The following DKK3 variants were observed in gnomAD, a reference collection of about 807,000 sequenced individuals.
DKK3 encodes dickkopf Wnt signaling pathway inhibitor 3, also known as dickkopf-related protein 3.
A neutral mutation model predicts 33.2 loss-of-function variants in DKK3; 22 were observed. The ratio of observed to expected loss-of-function variants is 0.66; its 90% confidence interval spans 0.47 to 0.95. The LOEUF (loss-of-function observed/expected upper bound fraction) is 0.95, where lower values mean the gene tolerates loss of function less well. DKK3 is among the 40% of genes least tolerant of loss of function. The pLI is 0.00. For missense variants in DKK3, 398 were observed against 458.4 expected (o/e 0.87, Z 1.20); for synonymous variants, 194 against 188.8 (o/e 1.03, Z -0.23).
chr11:11,992,371 G>T (rs1848205062), intron 3 of DKK3, among the ~76,000 whole-genome samples: 1 of 152,232 alleles, frequency 6.6e-6, no homozygotes, highest in South Asian at 2.1e-4. Flanking sequence ...AACTGGATCT[G>T]CCTGTGCCCG....
chr11:11,971,937 G>T (rs1284578286), intron 3 of DKK3, among the ~76,000 whole-genome samples: 1 of 152,140 alleles, frequency 6.6e-6, no homozygotes, highest in Non-Finnish European at 1.5e-5. Flanking sequence ...TGGTAGGTTA[G>T]TTCCACATGA....
chr11:11,965,145 G>A (rs1176801908), intron 6 of DKK3, among the ~76,000 whole-genome samples: 4 of 152,184 alleles, frequency 2.6e-5, no homozygotes, highest in Admixed American at 2.0e-4. Flanking sequence ...TGGTAGAGAC[G>A]GGATCTCCCT....
chr11:11,970,347 G>C (rs1564908219), intron 3 of DKK3, among the ~76,000 whole-genome samples: 1 of 152,334 alleles, frequency 6.6e-6, no homozygotes, highest in East Asian at 1.9e-4. Context: ...TAGAATAACA[G>C]AAATTTGCCT....
At chr11:12,009,465 G>T, upstream of DKK3, 5 of 881,410 alleles carry the variant, frequency 5.7e-6, no homozygotes, top group South Asian at 1.6e-4. Flanking sequence ...GCCACCTCAC[G>T]CCCCACGCCC....
chr11:12,003,724 T>C (rs1014772428), intron 1 of DKK3, among the ~76,000 whole-genome samples: 7 of 150,762 alleles, frequency 4.6e-5, no homozygotes, highest in African/African-American at 1.5e-4. Context: ...TTTTTGACTA[T>C]GGGCTATTTT....
At chr11:11,973,653 G>C (rs1281451546) in intron 3 of DKK3, among the ~76,000 whole-genome samples, 1 of 152,204 alleles carries the variant, frequency 6.6e-6, no homozygotes, top group African/African-American at 2.4e-5. Context: ...ACTATATTTA[G>C]AAAGCTCAGA....
intron 3 of DKK3, among the ~76,000 whole-genome samples, chr11:11,997,273 C>T (rs1296111017): frequency 1.3e-5 from 2 of 152,176 alleles, no homozygotes; most frequent in Admixed American, 1.3e-4. Flanking sequence ...AATTCACAAC[C>T]CTGTGAGTTC....
chr11:11,965,016 G>A lies in DKK3; in HGVS notation c.831-330C>T, dbSNP rs565542854. 1.1e-3 allele frequency among the ~76,000 whole-genome samples: 163 copies of A among 152,278 alleles called. 9 individuals are homozygous for A. In the South Asian group the frequency reaches 0.029, roughly 27 times the overall value. Reference sequence around the variant, plus strand: ...GCCCCTCAAAGACTGTGGCCCATTCGGGCCTCCAGGCAGGAGTCAGCCTGA... The same window carrying A: ...GCCCCTCAAAGACTGTGGCCCATTCAGGCCTCCAGGCAGGAGTCAGCCTGA... On this transcript the variant is annotated intron_variant, in intron 6 of 6. Coordinates refer to ENST00000683431, the MANE Select transcript of DKK3 (RefSeq NM_001018057.2).
At chr11:11,994,987 C>G (rs1848261286) in intron 3 of DKK3, among the ~76,000 whole-genome samples, 1 of 152,200 alleles carries the variant, frequency 6.6e-6, no homozygotes, top group African/African-American at 2.4e-5. Flanking sequence ...AAGCCACCAC[C>G]AGCACTGGAA....
chr11:12,008,417 C>T lies in DKK3; in HGVS notation c.166G>A (p.Glu56Lys). 6.2e-7 allele frequency: 1 copy of T among 1,611,004 alleles called. No homozygotes were observed. Among genetic ancestry groups the T allele is most frequent in the Admixed American group, 1.7e-5 (1 of 59,884 alleles). Residue 56 changes from glutamate to lysine, a missense_variant, in exon 1 of 7, where the codon GAA (glutamate) becomes AAA (lysine). Transcript: ENST00000683431. This position sits in a 1 kb window ranked among gnomAD's most constrained non-coding sequence, Gnocchi z 4.6. ...TTGTGCTGCGTGTCCTCCATCAGTT[C>T]CTCAACCTCGCGGAACATCTCATTG... ...TLNEMFREVE[E>K]LMEDTQHKLR...
chr11:11,974,194 T>C (rs1345928018), intron 3 of DKK3, among the ~76,000 whole-genome samples: 1 of 152,250 alleles, frequency 6.6e-6, no homozygotes, highest in East Asian at 1.9e-4. Flanking sequence ...GATGCACTTG[T>C]CCTCAGAGCT....
At chr11:11,994,894 A>G (rs557235803) in intron 3 of DKK3, among the ~76,000 whole-genome samples, 2 of 152,312 alleles carry the variant, frequency 1.3e-5, no homozygotes, top group South Asian at 2.1e-4. Flanking sequence ...TACATTTAAC[A>G]GGCAAAGTAT....
At chr11:12,004,534 G>A (rs1590559669) in intron 1 of DKK3, among the ~76,000 whole-genome samples, 1 of 152,322 alleles carries the variant, frequency 6.6e-6, no homozygotes, top group East Asian at 1.9e-4. Flanking sequence ...AGCATCCTCG[G>A]AGAGGAACAC....
At chr11:12,009,087 C>G (rs1274833343), upstream of DKK3, 10 of 985,228 alleles carry the variant, frequency 1.0e-5, no homozygotes, top group Non-Finnish European at 1.2e-5. Flanking sequence ...GCGTCGGGTC[C>G]TACTCGAGCG....
At chr11:11,965,073 G>A (rs1230379545) in intron 6 of DKK3, among the ~76,000 whole-genome samples, 1 of 152,186 alleles carries the variant, frequency 6.6e-6, no homozygotes, top group Non-Finnish European at 1.5e-5. Flanking sequence ...CATGCAGGGA[G>A]CCATGGACCT....
At chr11:11,966,851 TG>T in intron 5 of DKK3, 102 bp downstream of exon 5, 1 of 1,502,074 alleles carries the variant, frequency 6.7e-7, no homozygotes, top group Non-Finnish European at 9.1e-7. Context: ...ATCCAAGAGG[TG>T]GGACGCGAAA....
At chr11:11,997,098 G>A (rs999558291) in intron 3 of DKK3, among the ~76,000 whole-genome samples, 2 of 152,230 alleles carry the variant, frequency 1.3e-5, no homozygotes, top group Non-Finnish European at 2.9e-5. Context: ...AAGGGTGGAG[G>A]GGGCAGCATG....
Position 11,998,797 on chromosome 11 carries a change from C to A in DKK3, c.352-18G>T. On this transcript the variant is annotated intron_variant, in intron 2 of 6. Coordinates refer to ENST00000683431, the MANE Select transcript of DKK3 (RefSeq NM_001018057.2). Reference sequence around the variant, plus strand: ...TTGGTTATCTACAGTAAAACAGGTACAATGAAAGTAAAATAGAAGGAATTC... The same window carrying A: ...TTGGTTATCTACAGTAAAACAGGTAAAATGAAAGTAAAATAGAAGGAATTC... 1.9e-6 allele frequency: 3 copies of A among 1,595,540 alleles called. No individual in the cohort carries two copies. The highest frequency in any genetic ancestry group is 1.3e-5 in the African/African-American group (1 of 74,524).
intron 1 of DKK3, among the ~76,000 whole-genome samples, chr11:12,004,014 T>A (rs534327567): frequency 6.6e-6 from 1 of 152,346 alleles, no homozygotes; most frequent in Admixed American, 6.5e-5. Context: ...TGTTTGAAAC[T>A]TGATCACTGG....
Sources: gnomAD v4.1 joint callset for allele counts (sites outside exome capture counted in the v4.1 genomes callset) on GRCh38, gnomAD v4.1.1 for gene constraint, Gnocchi (gnomAD v3.1) non-coding constraint, MANE v1.5 for transcripts, NCBI Gene and HGNC (gene_info 2026-07-23, HGNC 2026-07-21) for gene names.